Variants in TMEM98 observed in about 807,000 individuals in gnomAD.
The protein encoded by TMEM98 is transmembrane protein 98.
In TMEM98, 18 loss-of-function variants were observed where a neutral mutation model predicts 25.0. That is an observed-to-expected ratio of 0.72 (90% CI 0.50 to 1.07). The LOEUF is 1.07. Ranked by LOEUF, TMEM98 falls within the 50% of genes least tolerant of loss-of-function variation. The pLI is 0.00. For synonymous variants in TMEM98, 103 were observed against 112.4 expected, an observed-to-expected ratio of 0.92 and a Z score of 0.53; for missense variants, 241 against 289.0, an observed-to-expected ratio of 0.83 and a Z score of 1.20.
At chr17:32,933,137 C>A in intron 3 of TMEM98, 37 bp from the exon 4 acceptor site, 1 of 1,611,506 alleles carries the variant, frequency 6.2e-7, no homozygotes, top group Non-Finnish European at 8.5e-7. Context: ...AGCGGTCACC[C>A]ACCATGAAAC....
At chr17:32,938,038 C>T (rs1489564176) in intron 6 of TMEM98, among the ~76,000 whole-genome samples, 1 of 152,206 alleles carries the variant, frequency 6.6e-6, no homozygotes, top group African/African-American at 2.4e-5. Flanking sequence ...GTTGAGGTTT[C>T]TGTGTGAGCC....
In TMEM98 at chr17:32,941,564, T is replaced by A. The variant is rs2091531390; in HGVS notation, c.*571T>A. ...GTTTGAAGCTGAGGAACTACAAAGT[T>A]GATGATTTCTTTTTTATCTTTATGC... On this transcript the variant is annotated 3_prime_UTR_variant, in exon 8 of 8. Coordinates refer to ENST00000579849, the MANE Select transcript of TMEM98 (RefSeq NM_015544.3). 1 of 152,270 alleles carries A rather than the reference T, an allele frequency of 6.6e-6. No individual in the cohort carries two copies. Among genetic ancestry groups the A allele is most frequent in the South Asian group, 2.1e-4 (1 of 4,830 alleles). The allele number at this position is 152,270 out of a possible 1,614,324, so 9.4% of individuals were successfully genotyped here.
At chr17:32,928,962 CACTCAG>C (rs886482357) in intron 1 of TMEM98, among the ~76,000 whole-genome samples, 3 of 145,088 alleles carry the variant, frequency 2.1e-5, no homozygotes, top group African/African-American at 8.4e-5. Context: ...AGTTCACACA[CACTCAG>C]AAACACACTC....
Position 32,933,288 on chromosome 17 carries a change from CTG to C in TMEM98, c.247_248del (p.Trp83AspfsTer58). On this transcript the variant is annotated frameshift_variant, in exon 4 of 8. Transcript: ENST00000579849. LOFTEE classifies it high-confidence loss of function. ...TTGAGGCCATTCTGGAGAATGAAGA[CTG>C]GATCGAAGATGCCTCGTAAGGCCAT... Reference protein sequence around the residue: ...HIEAILENEDWIEDASGLMSH... With the variant: ...HIEAILENEDXIEDASGLMSH... 1 of 1,614,176 alleles carries C rather than the reference CTG, an allele frequency of 6.2e-7. No homozygotes were observed. The highest frequency in any genetic ancestry group is 8.5e-7 in the Non-Finnish European group (1 of 1,180,016).
chr17:32,934,507 T>C (rs2091486059), intron 5 of TMEM98, 183 bp downstream of exon 5: 1 of 635,756 alleles, frequency 1.6e-6, no homozygotes, highest in Non-Finnish European at 2.8e-6. Flanking sequence ...TCACAGAATC[T>C]CAAGGCTGTT....
At chr17:32,932,305 T>A (rs1467927069) in intron 3 of TMEM98, among the ~76,000 whole-genome samples, 1 of 152,018 alleles carries the variant, frequency 6.6e-6, no homozygotes, top group African/African-American at 2.4e-5. Flanking sequence ...TTCACCATGT[T>A]GGCCAGGCTG....
intron 6 of TMEM98, among the ~76,000 whole-genome samples, chr17:32,937,228 G>A (rs2091501557): frequency 6.6e-6 from 1 of 152,168 alleles, no homozygotes. Flanking sequence ...CTGAAACAAT[G>A]GCACTGCTGT....
chr17:32,931,411 C>T lies in TMEM98; in HGVS notation c.-55+9C>T. Reference sequence around the variant, plus strand: ...TTTGCCACTTCCAGCAGGTAAGACCCACCTGTCCCACTCTCTTTCGTGGCT... The same window carrying T: ...TTTGCCACTTCCAGCAGGTAAGACCTACCTGTCCCACTCTCTTTCGTGGCT... On this transcript the variant is annotated intron_variant, in intron 2 of 7. Transcript: ENST00000579849. 7.0e-7 allele frequency: 1 copy of T among 1,423,624 alleles called. No individual in the cohort carries two copies. The allele number at this position is 1,423,624 out of a possible 1,614,324, so 88.2% of individuals were successfully genotyped here.
chr17:32,929,242 GAAACAGAA>G (rs1567695760), intron 1 of TMEM98, among the ~76,000 whole-genome samples: 1 of 151,286 alleles, frequency 6.6e-6, no homozygotes, highest in East Asian at 2.0e-4. Flanking sequence ...CACACACACA[GAAACAGAA>G]AAACAGCTCA....
rs957517720 is a variant in TMEM98 at position 32,933,440 on chromosome 17, G to A, written c.263+135G>A. 19 of 1,259,512 alleles carry A rather than the reference G, an allele frequency of 1.5e-5. No homozygotes were observed. In the Admixed American group the frequency reaches 3.7e-4, roughly 25 times the overall value. The allele number at this position is 1,259,512 out of a possible 1,614,324, so 78.0% of individuals were successfully genotyped here. On this transcript the variant is annotated intron_variant, in intron 4 of 7. Transcript: ENST00000579849. ...TGCTGCTCTTTCCTGTGCCTTTAGT[G>A]TGGGGGAAAATCAGAATATGACTTG... is the stretch of plus-strand genomic sequence containing the variant.
At chr17:32,938,176 T>C (rs2091507730) in intron 6 of TMEM98, among the ~76,000 whole-genome samples, 1 of 152,216 alleles carries the variant, frequency 6.6e-6, no homozygotes, top group Non-Finnish European at 1.5e-5. Context: ...CTCCGTGCCA[T>C]AATTCAGCCA....
At chr17:32,929,379 A>G (rs573199126) in intron 1 of TMEM98, among the ~76,000 whole-genome samples, 1 of 152,224 alleles carries the variant, frequency 6.6e-6, no homozygotes, top group South Asian at 2.1e-4. Flanking sequence ...GAGGAAACCA[A>G]GTGGGTGGTC....
chr17:32,928,283 A>C (rs2091443127), intron 1 of TMEM98, 46 bp downstream of exon 1: 2 of 144,482 alleles, frequency 1.4e-5, no homozygotes, highest in African/African-American at 2.6e-5. Context: ...GAGTCGGGGA[A>C]GGGGACGCGG....
chr17:32,929,269 AAC>A (rs746418559), intron 1 of TMEM98, among the ~76,000 whole-genome samples: 36 of 151,852 alleles, frequency 2.4e-4, no homozygotes, highest in Non-Finnish European at 2.5e-4. Context: ...CACGCACACT[AAC>A]ACAAACACAC....
At chr17:32,939,351 G>C in intron 6 of TMEM98, 126 bp from the exon 7 acceptor site, 1 of 908,504 alleles carries the variant, frequency 1.1e-6, no homozygotes, top group Non-Finnish European at 1.7e-6. Context: ...ATGTTGCAGT[G>C]AGCTGAGATA....
chr17:32,930,383 A>T (rs910277143), intron 1 of TMEM98, among the ~76,000 whole-genome samples: 17 of 81,338 alleles, frequency 2.1e-4, no homozygotes, highest in South Asian at 6.2e-4. Context: ...ATACTAAAAA[A>T]ATTCTGTGCA....
At position 32,943,435 on chromosome 17, in the gene TMEM98, A is replaced by G. The variant is rs1413410357; in HGVS notation, c.*2442A>G. ...TGTGCCAGGTGTGGTTTCCCAGGCAACAGACACATTCCTAAGTGCCTAGTT... is the reference window on the plus strand; with the variant it reads ...TGTGCCAGGTGTGGTTTCCCAGGCAGCAGACACATTCCTAAGTGCCTAGTT... On this transcript the variant is annotated 3_prime_UTR_variant, in exon 8 of 8. Transcript: ENST00000579849. 1 of 152,160 alleles carries G rather than the reference A, an allele frequency of 6.6e-6. No individual in the cohort carries two copies. Among genetic ancestry groups the G allele is most frequent in the Non-Finnish European group, 1.5e-5 (1 of 68,046 alleles). The allele number at this position is 152,160 out of a possible 1,614,324, so 9.4% of individuals were successfully genotyped here.
At chr17:32,929,231 T>TCA (rs368066144) in intron 1 of TMEM98, among the ~76,000 whole-genome samples, 1 of 149,748 alleles carries the variant, frequency 6.7e-6, no homozygotes, top group Non-Finnish European at 1.5e-5. Context: ...GAGAAACAGC[T>TCA]CACACACACA....
intron 1 of TMEM98, chr17:32,930,840 T>C (rs1345143738): frequency 1.3e-5 from 2 of 152,242 alleles, no homozygotes; most frequent in African/African-American, 4.8e-5. Flanking sequence ...GGGTGTTCTT[T>C]TGTGCATGTT....
Sources: allele counts gnomAD v4.1 joint callset (sites outside exome capture counted in the v4.1 genomes callset), GRCh38; gene constraint gnomAD v4.1.1; transcripts MANE v1.5; gene names NCBI Gene and HGNC (gene_info 2026-07-23, HGNC 2026-07-21).